Variants in SRCIN1 observed in about 807,000 individuals in gnomAD.
The protein encoded by SRCIN1 is SRC kinase signaling inhibitor 1.
Under a neutral mutation model 116.2 loss-of-function variants are expected in SRCIN1, and 50 were observed. The observed-to-expected ratio is 0.43, with a 90% confidence interval of 0.34 to 0.54. The LOEUF is 0.54. Ranked by LOEUF, SRCIN1 falls within the 20% of genes least tolerant of loss-of-function variation. The pLI, the probability that SRCIN1 is intolerant of heterozygous loss-of-function variation, is 0.02. For missense variants in SRCIN1, 1,446 were observed against 1,672.0 expected (o/e 0.86, Z 2.36); for synonymous variants, 736 against 750.0 (o/e 0.98, Z 0.30).
At chr17:38,556,851 C>G (rs1905840582) in intron 11 of SRCIN1, among the ~76,000 whole-genome samples, 1 of 152,210 alleles carries the variant, frequency 6.6e-6, no homozygotes, top group Non-Finnish European at 1.5e-5. Flanking sequence ...ATAAATCTCT[C>G]CTTTCGTATC....
intron 1 of SRCIN1, among the ~76,000 whole-genome samples, chr17:38,603,704 G>A (rs1199398733): frequency 6.6e-6 from 1 of 152,076 alleles, no homozygotes; most frequent in African/African-American, 2.4e-5. Flanking sequence ...TGCCAGTGGT[G>A]CCTGGGTGCC....
chr17:38,603,609 G>C (rs912418286), intron 1 of SRCIN1, among the ~76,000 whole-genome samples: 9 of 152,186 alleles, frequency 5.9e-5, no homozygotes, highest in Non-Finnish European at 1.3e-4. Flanking sequence ...AGAAGAAGCA[G>C]GAATTGTTGT....
Position 38,564,250 on chromosome 17 carries a change from A to G in SRCIN1, c.409T>C (p.Ser137Pro). 1 of 1,576,236 alleles carries G rather than the reference A, an allele frequency of 6.3e-7. No homozygotes were observed. The highest frequency in any genetic ancestry group is 8.6e-7 in the Non-Finnish European group (1 of 1,163,116). Residue 137 changes from serine to proline, a missense_variant, in exon 4 of 19, where the codon TCC becomes CCC. Physicochemically the swap from Ser to Pro is moderately conservative, Grantham distance 74 (BLOSUM62 -1). This residue lies in a region of SRCIN1 where 246 missense variants were observed against 265.1 expected (regional missense o/e 0.93). Coordinates refer to ENST00000617146, the MANE Select transcript of SRCIN1 (RefSeq NM_025248.3). ...PGLADQAAKLSYASAESLETM... is the reference protein window; with the variant it reads ...PGLADQAAKLPYASAESLETM... ...TCCAGCGACTCGGCGGAGGCGTAGGACAGCTTTGCCGCCTGGTCTGCCAGC... is the reference window on the plus strand; with the variant it reads ...TCCAGCGACTCGGCGGAGGCGTAGGGCAGCTTTGCCGCCTGGTCTGCCAGC...
chr17:38,532,319 C>T lies in SRCIN1; in HGVS notation c.*978G>A, dbSNP rs116625090. 0.012 allele frequency: 1,885 copies of T among 152,770 alleles called. 41 individuals are homozygous for T. The highest frequency in any genetic ancestry group is 0.043 in the African/African-American group (1,791 of 41,542). 9.5% of individuals were successfully genotyped at this position (152,770 alleles called of 1,614,324 possible). ...ACCCTCCCATTTCCCTCAAACCAGA[C>T]CCTTCCCCCAACTGCAAGCCACAAA... is the stretch of plus-strand genomic sequence containing the variant. On this transcript the variant is annotated 3_prime_UTR_variant, in exon 19 of 19. Transcript: ENST00000617146. The surrounding 1 kb of genome is among the most constrained non-coding windows in gnomAD (Gnocchi z 4.3).
In SRCIN1 at chr17:38,543,791, G is replaced by A. The variant is rs200364390; in HGVS notation, c.3417+32C>T. 2.6e-5 allele frequency: 41 copies of A among 1,597,252 alleles called. 1 individual carries two copies. The East Asian group carries it at 9.2e-4, about 36-fold the overall frequency. ...AGGGGCCCGGCATGCAGCAGAGTGG[G>A]CCTGGGTGGCCCCCACAGTCCCCGC... On this transcript the variant is annotated intron_variant, in intron 18 of 18. Transcript: ENST00000617146.
chr17:38,562,245 G>C lies in SRCIN1; in HGVS notation c.918C>G (p.Gly306=). ...NLSPAPHLAS[G]SPPPGLPSGL... ...CCGACGGCAGCCCGGGCGGCGGCGA[G>C]CCGGATGCCAGGTGCGGCGCTGGTG... Residue 306 remains glycine (G), a synonymous_variant, in exon 7 of 19, where the codon GGC becomes GGG. Transcript: ENST00000617146. This position sits in a 1 kb window ranked among gnomAD's most constrained non-coding sequence, Gnocchi z 4.2. The C allele has an allele frequency of 6.8e-7, 1 of 1,461,810 alleles. No homozygotes were observed. The highest frequency in any genetic ancestry group is 9.0e-7 in the Non-Finnish European group (1 of 1,116,524). The allele number at this position is 1,461,810 out of a possible 1,614,324, so 90.6% of individuals were successfully genotyped here. A position where few individuals can be genotyped will look rare whatever the true frequency, so the allele number is the denominator to read the frequency against.
intron 18 of SRCIN1, among the ~76,000 whole-genome samples, chr17:38,534,953 C>T (rs557930598): frequency 3.9e-5 from 6 of 152,074 alleles, no homozygotes; most frequent in East Asian, 3.9e-4. Flanking sequence ...GGCGAGACCT[C>T]GTCTCTACTA....
At chr17:38,551,051 A>G in intron 15 of SRCIN1, 104 bp downstream of exon 15, 1 of 590,614 alleles carries the variant, frequency 1.7e-6, no homozygotes, top group Non-Finnish European at 3.0e-6. Flanking sequence ...TGGCAGCCCA[A>G]CCACAATGAT....
In SRCIN1 at chr17:38,552,901, C is replaced by T; in HGVS notation, c.2202-46G>A. 6.4e-7 allele frequency: 1 copy of T among 1,567,606 alleles called. No individual in the cohort carries two copies. The highest frequency in any genetic ancestry group is 1.2e-5 in the South Asian group (1 of 85,002). ...TTTCAGCCCTTTTGGCCTGAGATGC[C>T]AGCCCAGCCCCCTGAAATTGGGCAA... is the stretch of plus-strand genomic sequence containing the variant. On this transcript the variant is annotated intron_variant, in intron 11 of 18. Coordinates refer to ENST00000617146, the MANE Select transcript of SRCIN1 (RefSeq NM_025248.3). The surrounding 1 kb of genome is among the most constrained non-coding windows in gnomAD (Gnocchi z 5.3).
chr17:38,562,125 G>A lies in SRCIN1; in HGVS notation c.1038C>T (p.His346=). Reference sequence around the variant, plus strand: ...CGCCTCCCAGCCTCTCGGCCGCGTGGTGCACCGGGCTGCCGGCGTACGAAG... The same window carrying A: ...CGCCTCCCAGCCTCTCGGCCGCGTGATGCACCGGGCTGCCGGCGTACGAAG... ...RPPSYAGSPV[H]HAAERLGGAP... Residue 346 remains histidine (H), a synonymous_variant, in exon 7 of 19, where the codon CAC becomes CAT. Coordinates refer to ENST00000617146, the MANE Select transcript of SRCIN1 (RefSeq NM_025248.3). This position sits in a 1 kb window ranked among gnomAD's most constrained non-coding sequence, Gnocchi z 4.2. The A allele has an allele frequency of 1.4e-6, 2 of 1,386,508 alleles. No homozygotes were observed. The highest frequency in any genetic ancestry group is 1.9e-6 in the Non-Finnish European group (2 of 1,078,568). The allele number at this position is 1,386,508 out of a possible 1,614,324, so 85.9% of individuals were successfully genotyped here.
chr17:38,549,140 C>A lies in SRCIN1; in HGVS notation c.3033G>T (p.Arg1011=). 6.2e-7 allele frequency: 1 copy of A among 1,600,090 alleles called. No individual in the cohort carries two copies. The highest frequency in any genetic ancestry group is 8.5e-7 in the Non-Finnish European group (1 of 1,174,468). The stretch of plus-strand genomic sequence containing the variant: ...TCAGGCCATGGGAGGAGGGGAAGCT[C>A]CGGCGGGGAGGGGGCGGTGGGGGCG... ...SKSPPPPPPR[R]SFPSSHGLTT... Residue 1011 remains arginine (R), a synonymous_variant, in exon 16 of 19, where the codon CGG becomes CGT. Transcript: ENST00000617146.
chr17:38,543,045 C>G (rs955629533), intron 18 of SRCIN1: 4 of 456,352 alleles, frequency 8.8e-6, no homozygotes, highest in Non-Finnish European at 1.3e-5. Context: ...CAGGAGCCAC[C>G]CTGCAGCCTC....
intron 11 of SRCIN1, among the ~76,000 whole-genome samples, chr17:38,555,569 A>G (rs953179029): frequency 2.6e-5 from 4 of 152,094 alleles, no homozygotes; most frequent in Non-Finnish European, 4.4e-5. Context: ...CTATCCTAAG[A>G]CTCTGGCATT....
chr17:38,541,167 A>G (rs1247350357), intron 18 of SRCIN1: 1 of 152,076 alleles, frequency 6.6e-6, no homozygotes, highest in Non-Finnish European at 1.5e-5. Flanking sequence ...TGAACCCAGG[A>G]GGCAGAGGTT....
chr17:38,551,345 C>G lies in SRCIN1; in HGVS notation c.2772G>C (p.Gln924His). 1 of 1,613,738 alleles carries G rather than the reference C, an allele frequency of 6.2e-7. No individual in the cohort carries two copies. Among genetic ancestry groups the G allele is most frequent in the South Asian group, 1.1e-5 (1 of 90,994 alleles). Residue 924 changes from glutamine to histidine, a missense_variant, in exon 15 of 19, where the codon CAG (glutamine) becomes CAC (histidine). Physicochemically the swap from Gln to His is conservative, Grantham distance 24 (BLOSUM62 0). Transcript: ENST00000617146. ...DWEEKRAALT[Q>H]YSAKDINRLL... is the part of the protein sequence containing the mutation. ...GCCGGTTGATGTCCTTGGCACTGTA[C>G]TGGGTCAGGGCTGCCCGCTTCTCCT...
chr17:38,574,759 A>G (rs1016249482), intron 2 of SRCIN1: 29 of 398,920 alleles, frequency 7.3e-5, no homozygotes, highest in Non-Finnish European at 1.2e-4. Flanking sequence ...TCCTACACCA[A>G]AGAGAAAAGG....
At chr17:38,595,300 C>A (rs1468198611) in intron 1 of SRCIN1, among the ~76,000 whole-genome samples, 1 of 152,148 alleles carries the variant, frequency 6.6e-6, no homozygotes, top group Non-Finnish European at 1.5e-5. Flanking sequence ...TCACTGCAAC[C>A]TCTGCTTCCC....
chr17:38,589,387 G>A (rs995878315), intron 1 of SRCIN1, among the ~76,000 whole-genome samples: 4 of 152,208 alleles, frequency 2.6e-5, no homozygotes, highest in South Asian at 2.1e-4. Context: ...TCGCTAAAGC[G>A]CCAGGTGGAT....
intron 1 of SRCIN1, among the ~76,000 whole-genome samples, chr17:38,598,864 G>T (rs1301612090): frequency 6.6e-6 from 1 of 152,170 alleles, no homozygotes; most frequent in Non-Finnish European, 1.5e-5. Flanking sequence ...GAGGAAAACA[G>T]TGAGTTTAGA....
Sources: gnomAD v4.1 joint callset for allele counts (sites outside exome capture counted in the v4.1 genomes callset) on GRCh38, gnomAD v4.1.1 for gene constraint, gnomAD v4.1.1 regional missense constraint, Gnocchi (gnomAD v3.1) non-coding constraint, MANE v1.5 for transcripts, NCBI Gene and HGNC (gene_info 2026-07-23, HGNC 2026-07-21) for gene names.